CNTN5: variants seen among roughly 807,000 people sequenced by gnomAD.
CNTN5 encodes the protein contactin-5.
CNTN5 carries 77 observed loss-of-function variants against 129.1 expected under a neutral mutation model. The observed-to-expected ratio is 0.60, with a 90% CI of 0.50 to 0.72. CNTN5 has a LOEUF of 0.72. Ranked by LOEUF, CNTN5 falls within the 30% of genes least tolerant of loss-of-function variation. CNTN5 has a pLI of 0.00. For missense variants in CNTN5, 1,478 were observed against 1,328.8 expected (o/e 1.11, Z -1.75); for synonymous variants, 509 against 465.6 (o/e 1.09, Z -1.20).
At chr11:99,387,216 A>G (rs1940973162) in intron 2 of CNTN5, among the ~76,000 whole-genome samples, 1 of 152,158 alleles carries the variant, frequency 6.6e-6, no homozygotes, top group African/African-American at 2.4e-5. Context: ...CAATTAATCA[A>G]TGCTGTAGTT....
chr11:99,694,572 A>G lies in CNTN5; in HGVS notation c.56-124972A>G, dbSNP rs115767208. Among the ~76,000 whole-genome samples, 1,036 of 152,214 alleles carry G rather than the reference A, an allele frequency of 6.8e-3. 15 individuals are homozygous for G. The highest frequency in any genetic ancestry group is 0.024 in the African/African-American group (979 of 41,546). ...TCTGGGACACATGTGCAGAATATGC[A>G]GGTTTGTTACTTAGGTATACACGTG... On this transcript the variant is annotated intron_variant, in intron 3 of 24. Coordinates refer to ENST00000524871, the MANE Select transcript of CNTN5 (RefSeq NM_014361.4).
At chr11:100,049,605 A>G (rs563225401) in intron 9 of CNTN5, among the ~76,000 whole-genome samples, 6 of 152,272 alleles carry the variant, frequency 3.9e-5, no homozygotes, top group East Asian at 1.9e-4. Context: ...AACGGCAACA[A>G]AAGCCAGAAT....
intron 3 of CNTN5, among the ~76,000 whole-genome samples, chr11:99,800,531 C>T (rs1565546921): frequency 6.6e-6 from 1 of 152,044 alleles, no homozygotes; most frequent in East Asian, 1.9e-4. Flanking sequence ...CTGATGCTGT[C>T]AGTAGAGTGT....
At chr11:99,262,828 G>A (rs1329549546) in intron 1 of CNTN5, among the ~76,000 whole-genome samples, 1 of 151,854 alleles carries the variant, frequency 6.6e-6, no homozygotes, top group Non-Finnish European at 1.5e-5. Context: ...TAAAGGTAAT[G>A]GTAATGGCTT....
intron 3 of CNTN5, among the ~76,000 whole-genome samples, chr11:99,570,486 G>T (rs1949142650): frequency 6.6e-6 from 1 of 152,166 alleles, no homozygotes; most frequent in South Asian, 2.1e-4. Context: ...GTGTATTGGG[G>T]ATAAAGATTA....
chr11:99,170,739 A>G (rs1861108695), intron 1 of CNTN5, among the ~76,000 whole-genome samples: 2 of 152,158 alleles, frequency 1.3e-5, no homozygotes, highest in African/African-American at 2.4e-5. Flanking sequence ...ATTTTATTTT[A>G]CTTCTTAATC....
intron 3 of CNTN5, among the ~76,000 whole-genome samples, chr11:99,596,912 A>T (rs1255565820): frequency 1.3e-5 from 2 of 152,152 alleles, no homozygotes; most frequent in Non-Finnish European, 2.9e-5. Flanking sequence ...AAAAATGATG[A>T]CCTGTTCTGG....
chr11:100,174,656 TTTTG>T (rs1257348429), intron 13 of CNTN5, among the ~76,000 whole-genome samples: 8 of 152,106 alleles, frequency 5.3e-5, no homozygotes, highest in South Asian at 4.1e-4. Context: ...CCATTTTGTT[TTTTG>T]TTTGTTTGTT....
At chr11:100,338,773 T>C (rs1591526387) in intron 21 of CNTN5, among the ~76,000 whole-genome samples, 2 of 152,174 alleles carry the variant, frequency 1.3e-5, no homozygotes, top group Admixed American at 6.5e-5. Flanking sequence ...GTGGGACCCA[T>C]GGCAGTGCCC....
intron 3 of CNTN5, among the ~76,000 whole-genome samples, chr11:99,752,569 A>G (rs1944269961): frequency 6.6e-6 from 1 of 152,238 alleles, no homozygotes; most frequent in Admixed American, 6.5e-5. Flanking sequence ...TGTGTTTTGT[A>G]TATAGGTTCT....
chr11:100,175,431 C>CA (rs1177668301), intron 13 of CNTN5, among the ~76,000 whole-genome samples: 1 of 151,796 alleles, frequency 6.6e-6, no homozygotes, highest in South Asian at 2.1e-4. Flanking sequence ...CCTTTTTTAA[C>CA]AAAAAAGGAA....
At chr11:100,170,647 G>A (rs1037674475) in intron 13 of CNTN5, among the ~76,000 whole-genome samples, 63 of 152,070 alleles carry the variant, frequency 4.1e-4, no homozygotes, top group African/African-American at 1.4e-3. Context: ...CAAACGCACT[G>A]AGCATGTTTT....
At chr11:99,794,128 A>C in intron 3 of CNTN5, among the ~76,000 whole-genome samples, 1 of 149,954 alleles carries the variant, frequency 6.7e-6, no homozygotes, top group East Asian at 1.9e-4. Flanking sequence ...TAGGATAGAT[A>C]GGTCTTTTTG....
intron 1 of CNTN5, among the ~76,000 whole-genome samples, chr11:99,154,230 G>A (rs1279013021): frequency 6.6e-6 from 1 of 152,178 alleles, no homozygotes; most frequent in Non-Finnish European, 1.5e-5. Context: ...CACTCCAGCG[G>A]CATGGTATGG....
intron 1 of CNTN5, among the ~76,000 whole-genome samples, chr11:99,299,268 C>A (rs1044325784): frequency 1.3e-5 from 2 of 151,494 alleles, no homozygotes; most frequent in African/African-American, 2.4e-5. Flanking sequence ...GTTCAAAGAA[C>A]TAAAAGAAAT....
At chr11:100,070,973 G>C (rs1413880350) in intron 11 of CNTN5, among the ~76,000 whole-genome samples, 1 of 151,418 alleles carries the variant, frequency 6.6e-6, no homozygotes, top group East Asian at 1.9e-4. Flanking sequence ...GATAGACAAA[G>C]CACTGCCAAC....
intron 2 of CNTN5, among the ~76,000 whole-genome samples, chr11:99,350,481 A>T (rs1444007534): frequency 1.3e-5 from 2 of 152,202 alleles, no homozygotes; most frequent in African/African-American, 4.8e-5. Flanking sequence ...ATTATAAAAC[A>T]TATGTTCACA....
At chr11:99,794,375 C>T (rs1945860674) in intron 3 of CNTN5, among the ~76,000 whole-genome samples, 1 of 151,996 alleles carries the variant, frequency 6.6e-6, no homozygotes, top group African/African-American at 2.4e-5. Flanking sequence ...CTTGTTTATC[C>T]AACTTTCCAT....
intron 9 of CNTN5, among the ~76,000 whole-genome samples, chr11:100,031,153 G>A (rs922505324): frequency 1.3e-5 from 2 of 152,112 alleles, no homozygotes; most frequent in African/African-American, 2.4e-5. Context: ...CTTTCTCCTG[G>A]TACTTGATAG....
Sources: allele counts gnomAD v4.1 joint callset (sites outside exome capture counted in the v4.1 genomes callset), GRCh38; gene constraint gnomAD v4.1.1; transcripts MANE v1.5; gene names NCBI Gene and HGNC (gene_info 2026-07-23, HGNC 2026-07-21).